ADAM19: variants seen among roughly 807,000 people sequenced by gnomAD.
ADAM19 encodes the protein disintegrin and metalloproteinase domain-containing protein 19.
Under a neutral mutation model 114.7 loss-of-function variants are expected in ADAM19, and 65 were observed. That is an observed-to-expected ratio of 0.57 (90% CI 0.46 to 0.70). The LOEUF is 0.70. Among genes scored for constraint, ADAM19 ranks in the 30% least tolerant of loss-of-function variants. The pLI is 0.00. For missense variants in ADAM19, 1,063 were observed against 1,204.7 expected, an observed-to-expected ratio of 0.88 and a Z score of 1.74; for synonymous variants, 466 against 460.5, an observed-to-expected ratio of 1.01 and a Z score of -0.15.
At chr5:157,514,446 C>T (rs1756032471) in intron 7 of ADAM19, among the ~76,000 whole-genome samples, 1 of 151,802 alleles carries the variant, frequency 6.6e-6, no homozygotes, top group Non-Finnish European at 1.5e-5. Flanking sequence ...CCTGCCTCAG[C>T]CTCCTGAGTA....
At chr5:157,548,932 T>C (rs772797645) in intron 3 of ADAM19, among the ~76,000 whole-genome samples, 5 of 152,114 alleles carry the variant, frequency 3.3e-5, no homozygotes, top group African/African-American at 7.2e-5. Flanking sequence ...TCCAAATGTA[T>C]ATCCATAAAT....
At chr5:157,570,270 CAAACAAAAAAACAA>C (rs778009842) in intron 2 of ADAM19, among the ~76,000 whole-genome samples, 25 of 151,126 alleles carry the variant, frequency 1.7e-4, no homozygotes, top group African/African-American at 4.8e-4. Context: ...AACAAACAAA[CAAACAAAAAAACAA>C]AAACAAAAAA....
chr5:157,527,765 G>A (rs1756515117), intron 5 of ADAM19, among the ~76,000 whole-genome samples: 1 of 152,174 alleles, frequency 6.6e-6, no homozygotes, highest in South Asian at 2.1e-4. Flanking sequence ...CTGTCTCTAG[G>A]AAGGGGGAAA....
At chr5:157,531,534 G>A (rs779751097) in intron 4 of ADAM19, among the ~76,000 whole-genome samples, 2 of 152,112 alleles carry the variant, frequency 1.3e-5, no homozygotes, top group African/African-American at 2.4e-5. Context: ...GGATGTGGTG[G>A]TGCACACCTA....
chr5:157,482,255 A>AT (rs1196059422), intron 21 of ADAM19, among the ~76,000 whole-genome samples: 6 of 151,936 alleles, frequency 3.9e-5, no homozygotes, highest in Non-Finnish European at 5.9e-5. Flanking sequence ...GGGTTGTTTG[A>AT]TTTTTTCTTG....
chr5:157,502,736 T>C, intron 12 of ADAM19, 67 bp downstream of exon 12: 1 of 1,557,796 alleles, frequency 6.4e-7, no homozygotes, highest in Non-Finnish European at 8.8e-7. Flanking sequence ...TTGTGTTCTC[T>C]TTGACCTTGA....
Position 157,477,836 on chromosome 5 carries a change from G to A in ADAM19, c.*3113C>T. 1 of 756,074 alleles carries A rather than the reference G, an allele frequency of 1.3e-6. No individual in the cohort carries two copies. The highest frequency in any genetic ancestry group is 2.0e-6 in the Non-Finnish European group (1 of 507,676). The allele number at this position is 756,074 out of a possible 1,614,324, so 46.8% of individuals were successfully genotyped here. A position where few individuals can be genotyped will look rare whatever the true frequency, so the allele number is the denominator to read the frequency against. On this transcript the variant is annotated 3_prime_UTR_variant, in exon 23 of 23. Transcript: ENST00000257527. Reference sequence around the variant, plus strand: ...GTGGGGAGGGGCTATTGCTTCAGGGGGAAGGGACTATGGCAATACAAAAAA... The same window carrying A: ...GTGGGGAGGGGCTATTGCTTCAGGGAGAAGGGACTATGGCAATACAAAAAA...
At chr5:157,511,694 TG>T (rs1755926503) in intron 8 of ADAM19, among the ~76,000 whole-genome samples, 2 of 152,230 alleles carry the variant, frequency 1.3e-5, no homozygotes, top group African/African-American at 2.4e-5. Context: ...ATTGGGTTCA[TG>T]ACTCAGCACG....
rs1380227337 is a variant in ADAM19, at chr5:157,481,947, G to A, written c.2551-4C>T. The stretch of plus-strand genomic sequence containing the variant: ...GCGGCCGAGGCCTGGAGAAGTCCTG[G>A]AGAGAAAGCAATAAGCCTCACTTGA... On this transcript the variant is annotated splice_region_variant and splice_polypyrimidine_tract_variant and intron_variant, in intron 21 of 22. Transcript: ENST00000257527. 1 of 1,586,276 alleles carries A rather than the reference G, an allele frequency of 6.3e-7. No homozygotes were observed. The highest frequency in any genetic ancestry group is 1.4e-5 in the African/African-American group (1 of 74,066).
intron 4 of ADAM19, among the ~76,000 whole-genome samples, chr5:157,537,565 G>T (rs769870855): frequency 6.6e-6 from 1 of 152,174 alleles, no homozygotes; most frequent in Non-Finnish European, 1.5e-5. Context: ...TGGATGAGAC[G>T]ACAGGATTAT....
At position 157,488,452 on chromosome 5, in the gene ADAM19, T is replaced by A. The variant is rs775486306; in HGVS notation, c.2363A>T (p.Gln788Leu). Residue 788 changes from glutamine (Q) to leucine (L), a missense_variant, in exon 21 of 23, where the codon CAG becomes CTG. By Grantham distance (113) the Gln-to-Leu change is moderately radical. Transcript: ENST00000257527. ...ATCTGGAGGGGGCCGGGGAGGAGGC[T>A]GGGAGGGCTTCCGCAGGATTTCCGG... is the stretch of plus-strand genomic sequence containing the variant. ...NTPEILRKPS[Q>L]PPPRPPPDYL... is the part of the protein sequence containing the mutation. The A allele has an allele frequency of 6.2e-7, 1 of 1,608,858 alleles. No individual in the cohort carries two copies. The highest frequency in any genetic ancestry group is 1.3e-5 in the African/African-American group (1 of 74,876).
chr5:157,564,550 A>G, intron 2 of ADAM19, 107 bp from the exon 3 acceptor site: 5 of 952,318 alleles, frequency 5.3e-6, no homozygotes, highest in Non-Finnish European at 8.5e-6. Flanking sequence ...ACAGGAAGTG[A>G]ATGAGCAAAG....
chr5:157,574,412 T>C (rs911825907), intron 1 of ADAM19, among the ~76,000 whole-genome samples: 10 of 152,112 alleles, frequency 6.6e-5, no homozygotes, highest in African/African-American at 2.4e-4. Flanking sequence ...CAGTTTCCCC[T>C]TCGGAACAAC....
At chr5:157,574,556 T>A (rs1757920047) in intron 1 of ADAM19, among the ~76,000 whole-genome samples, 1 of 152,152 alleles carries the variant, frequency 6.6e-6, no homozygotes, top group South Asian at 2.1e-4. Context: ...CCACCCTCGC[T>A]CCGCCGGTGC....
intron 14 of ADAM19, 121 bp downstream of exon 14, chr5:157,496,773 G>A: frequency 2.5e-6 from 2 of 815,618 alleles, no homozygotes; most frequent in South Asian, 3.9e-5. Context: ...TCAAGGGGAT[G>A]AAAGAGGTAG....
rs970418174 is a variant in ADAM19, at chr5:157,488,166, T to C, written c.2550+99A>G. 2.0e-5 allele frequency: 25 copies of C among 1,257,990 alleles called. No individual in the cohort carries two copies. The African/African-American group carries it at 2.7e-4, about 13-fold the overall frequency. 77.9% of individuals were successfully genotyped at this position (1,257,990 alleles called of 1,614,324 possible). Reference sequence around the variant, plus strand: ...AATTGCAGAAAAGGCAGTCAGCTCATGACCCCACAAGTTTCACCTTCCCCA... The same window carrying C: ...AATTGCAGAAAAGGCAGTCAGCTCACGACCCCACAAGTTTCACCTTCCCCA... On this transcript the variant is annotated intron_variant, in intron 21 of 22. Coordinates refer to ENST00000257527, the MANE Select transcript of ADAM19 (RefSeq NM_033274.5).
chr5:157,505,243 C>T (rs1421669213), intron 11 of ADAM19, among the ~76,000 whole-genome samples: 1 of 152,006 alleles, frequency 6.6e-6, no homozygotes, highest in Non-Finnish European at 1.5e-5. Flanking sequence ...GTGGATGGCC[C>T]TCTTCTTCAA....
At chr5:157,487,219 C>T (rs557124009) in intron 21 of ADAM19, among the ~76,000 whole-genome samples, 3 of 152,106 alleles carry the variant, frequency 2.0e-5, no homozygotes, top group Non-Finnish European at 4.4e-5. Context: ...TTCCTCTTTC[C>T]TTCTCTCTCC....
In ADAM19 at chr5:157,478,290, CAA is replaced by C. The variant is rs36056270; in HGVS notation, c.*2657_*2658del. ...CAGCAAACAGCCCCTCCCCTGGAGA[CAA>C]AAAAAAAAAAAAAAAAAAAAAGGCT... On this transcript the variant is annotated 3_prime_UTR_variant, in exon 23 of 23. Transcript: ENST00000257527. 0.068 allele frequency: 4,688 copies of C among 69,272 alleles called. 98 individuals are homozygous for C. The highest frequency in any genetic ancestry group is 0.17 in the African/African-American group (3,082 of 18,626). 4.3% of individuals were successfully genotyped at this position (69,272 alleles called of 1,614,324 possible).
Sources: gnomAD v4.1 joint callset for allele counts (sites outside exome capture counted in the v4.1 genomes callset) on GRCh38, gnomAD v4.1.1 for gene constraint, MANE v1.5 for transcripts, NCBI Gene and HGNC (gene_info 2026-07-23, HGNC 2026-07-21) for gene names.